Variants in VPS54 observed in about 807,000 individuals in gnomAD.
VPS54 encodes vacuolar protein sorting-associated protein 54.
VPS54 carries 45 observed loss-of-function variants against 121.5 expected under a neutral mutation model. That is an observed-to-expected ratio of 0.37 (90% CI 0.29 to 0.47). VPS54 has a LOEUF of 0.47. Ranked by LOEUF, VPS54 falls within the 20% of genes least tolerant of loss-of-function variation. The pLI is 0.99. For synonymous variants in VPS54, 371 were observed against 385.8 expected (o/e 0.96, Z 0.45); for missense variants, 1,090 against 1,131.4 (o/e 0.96, Z 0.52).
At chr2:64,008,533 T>G (rs553804807) in intron 1 of VPS54, among the ~76,000 whole-genome samples, 1 of 151,826 alleles carries the variant, frequency 6.6e-6, no homozygotes, top group Admixed American at 6.6e-5. Flanking sequence ...AGAAAGAATA[T>G]CAAGCCCAGG....
chr2:63,975,121 C>T lies in VPS54; in HGVS notation c.379-2877G>A, dbSNP rs1019122191. On this transcript the variant is annotated intron_variant, in intron 3 of 22. Coordinates refer to ENST00000272322, the MANE Select transcript of VPS54 (RefSeq NM_016516.3). ...AGTGCAGTGGCGTGATCTTGGTTCA[C>T]TGCAACCTCCACCTCCTGGGTCCAA... 4.1e-4 allele frequency: 495 copies of T among 1,215,474 alleles called. 1 individual carries two copies. Among genetic ancestry groups the T allele is most frequent in the Middle Eastern group, 2.7e-4 (1 of 3,670 alleles). 75.3% of individuals were successfully genotyped at this position (1,215,474 alleles called of 1,614,324 possible). A position where few individuals can be genotyped will look rare whatever the true frequency, so the allele number is the denominator to read the frequency against.
intron 1 of VPS54, among the ~76,000 whole-genome samples, chr2:64,004,953 A>AT: frequency 6.6e-6 from 1 of 150,760 alleles, no homozygotes; most frequent in East Asian, 2.0e-4. Flanking sequence ...TAATTTTTGT[A>AT]TTTTTGTAGA....
At chr2:63,899,602 G>C (rs576695811) in intron 20 of VPS54, 21 bp from the exon 21 acceptor site, 5 of 1,589,440 alleles carry the variant, frequency 3.1e-6, no homozygotes, top group Non-Finnish European at 4.3e-6. Context: ...AAAATAATGA[G>C]AATTATGTTC....
intron 1 of VPS54, among the ~76,000 whole-genome samples, chr2:63,995,853 CT>C (rs1677559750): frequency 6.6e-6 from 1 of 152,190 alleles, no homozygotes; most frequent in African/African-American, 2.4e-5. Context: ...TTGGACATGA[CT>C]AAATTAAATA....
chr2:63,963,190 G>T (rs1675846570), intron 6 of VPS54, among the ~76,000 whole-genome samples: 1 of 151,700 alleles, frequency 6.6e-6, no homozygotes, highest in Admixed American at 6.6e-5. Context: ...TTATCAATTT[G>T]TAAAATTCAG....
intron 20 of VPS54, among the ~76,000 whole-genome samples, chr2:63,903,499 T>A (rs988374626): frequency 2.6e-5 from 4 of 152,156 alleles, no homozygotes; most frequent in Middle Eastern, 6.8e-3. Context: ...AGGATAAATA[T>A]AAAAGGCATT....
At chr2:63,945,999 G>C (rs948500653) in intron 9 of VPS54, among the ~76,000 whole-genome samples, 1 of 152,044 alleles carries the variant, frequency 6.6e-6, no homozygotes, top group Non-Finnish European at 1.5e-5. Flanking sequence ...CTCAGCTCAT[G>C]AAACAACCTT....
intron 7 of VPS54, among the ~76,000 whole-genome samples, chr2:63,960,164 G>T (rs1275074616): frequency 6.6e-6 from 1 of 152,096 alleles, no homozygotes; most frequent in Non-Finnish European, 1.5e-5. Flanking sequence ...GACTGGGGGT[G>T]GGGGCAGAGG....
chr2:63,981,362 A>G (rs1489887954), intron 3 of VPS54, among the ~76,000 whole-genome samples: 1 of 152,148 alleles, frequency 6.6e-6, no homozygotes, highest in Non-Finnish European at 1.5e-5. Flanking sequence ...TGGACTTTAT[A>G]GGCCTAACAG....
At chr2:63,953,516 A>G (rs1390614500) in intron 7 of VPS54, among the ~76,000 whole-genome samples, 9 of 152,194 alleles carry the variant, frequency 5.9e-5, no homozygotes, top group Non-Finnish European at 1.5e-5. Flanking sequence ...AACCATTGTT[A>G]TATTCAAGAT....
intron 11 of VPS54, among the ~76,000 whole-genome samples, chr2:63,941,143 C>G (rs1674711092): frequency 6.6e-6 from 1 of 152,200 alleles, no homozygotes; most frequent in African/African-American, 2.4e-5. Context: ...CACTTGATAA[C>G]TCAAAAAATA....
chr2:63,946,797 G>A (rs1390509537), intron 9 of VPS54, among the ~76,000 whole-genome samples: 3 of 151,996 alleles, frequency 2.0e-5, no homozygotes, highest in Non-Finnish European at 4.4e-5. Flanking sequence ...TTTGTCTACT[G>A]CTGATGGGAG....
At chr2:63,900,768 T>C (rs1558977573) in intron 20 of VPS54, among the ~76,000 whole-genome samples, 1 of 152,162 alleles carries the variant, frequency 6.6e-6, no homozygotes, top group South Asian at 2.1e-4. Context: ...TTTGTTTGTT[T>C]TTTTTGATTT....
chr2:63,974,778 C>T (rs1325164233), intron 3 of VPS54, among the ~76,000 whole-genome samples: 3 of 152,078 alleles, frequency 2.0e-5, no homozygotes, highest in Non-Finnish European at 2.9e-5. Flanking sequence ...TATATATTAA[C>T]CTTGTATCTT....
At chr2:63,959,352 T>C (rs1430555288) in intron 7 of VPS54, among the ~76,000 whole-genome samples, 1 of 152,202 alleles carries the variant, frequency 6.6e-6, no homozygotes, top group East Asian at 1.9e-4. Flanking sequence ...CATTTTCTTT[T>C]AGAGTACTTT....
chr2:63,988,407 T>G (rs1677154571), intron 1 of VPS54, among the ~76,000 whole-genome samples: 3 of 152,348 alleles, frequency 2.0e-5, no homozygotes, highest in South Asian at 2.1e-4. Flanking sequence ...TGCTAGTATT[T>G]TTATTGAAGA....
chr2:63,940,778 G>C (rs962466974), intron 11 of VPS54, among the ~76,000 whole-genome samples: 8 of 152,196 alleles, frequency 5.3e-5, no homozygotes, highest in African/African-American at 1.9e-4. Flanking sequence ...CAATGTAAGA[G>C]TTCTATATAA....
At position 63,962,220 on chromosome 2, in the gene VPS54, C is replaced by G. The variant is rs1173744235; in HGVS notation, c.848G>C (p.Cys283Ser). 1 of 1,613,880 alleles carries G rather than the reference C, an allele frequency of 6.2e-7. No individual in the cohort carries two copies. The change falls in exon 7 of 23, where the codon TGT becomes TCT. Residue 283 changes from cysteine (C) to serine (S), a missense_variant. Around this residue, in one of 2 missense-constraint regions of VPS54, gnomAD observed 801 missense variants for 757.0 expected, o/e 1.06. Coordinates refer to ENST00000272322, the MANE Select transcript of VPS54 (RefSeq NM_016516.3). Reference sequence around the variant, plus strand: ...CTTCAGCTTATTGTATACTTTAACACAATTATTTCTGGTAAGTGCCAGTCT... The same window carrying G: ...CTTCAGCTTATTGTATACTTTAACAGAATTATTTCTGGTAAGTGCCAGTCT... ...ILRLALTRNN[C>S]VKVYNKLKLM...
At chr2:64,011,448 C>A (rs1678425125) in intron 1 of VPS54, among the ~76,000 whole-genome samples, 1 of 152,128 alleles carries the variant, frequency 6.6e-6, no homozygotes, top group Non-Finnish European at 1.5e-5. Context: ...CGCCTGTAGT[C>A]CCAGCTACTC....
Sources: allele counts gnomAD v4.1 joint callset (sites outside exome capture counted in the v4.1 genomes callset), GRCh38; gene constraint gnomAD v4.1.1; regional missense constraint gnomAD v4.1.1; transcripts MANE v1.5; gene names NCBI Gene and HGNC (gene_info 2026-07-23, HGNC 2026-07-21).